SPANXN4: variants seen among roughly 807,000 people sequenced by gnomAD.
SPANXN4 encodes the protein sperm protein associated with the nucleus on the X chromosome N4.
In SPANXN4, 5 loss-of-function variants were observed where a neutral mutation model predicts 6.0. The ratio of observed to expected loss-of-function variants is 0.83; its 90% CI spans 0.44 to 1.75. The LOEUF (loss-of-function observed/expected upper bound fraction) is 1.75, where lower values mean the gene tolerates loss of function less well. SPANXN4 is among the 40% of genes most tolerant of loss of function. The pLI, the probability that SPANXN4 is intolerant of heterozygous loss-of-function variation, is 0.02. For missense variants in SPANXN4, 157 were observed against 108.6 expected (o/e 1.45, Z -1.98); for synonymous variants, 45 against 38.0 (o/e 1.19, Z -0.68).
At chrX:143,034,542 C>A (rs1463796074) in exon 3 of SPANXN4, 1 of 1,155,427 alleles carries the variant, frequency 8.7e-7, no homozygotes, top group African/African-American at 1.8e-5. Flanking sequence ...TTCCTTGGAG[C>A]ACGTGCATGT....
chrX:143,031,942 C>T (rs771075015), intron 1 of SPANXN4, among the ~76,000 whole-genome samples: 2 of 111,582 alleles, frequency 1.8e-5, no homozygotes, highest in Non-Finnish European at 3.8e-5. Flanking sequence ...GGCATGATAT[C>T]GTATGGCCTT....
At chrX:143,028,392 G>A (rs973721503) in intron 1 of SPANXN4, among the ~76,000 whole-genome samples, 5 of 111,114 alleles carry the variant, frequency 4.5e-5, no homozygotes, top group African/African-American at 6.6e-5. Flanking sequence ...AATGCATGAG[G>A]ACCAGTAAGA....
At chrX:143,029,920 G>A (rs1411943253) in intron 1 of SPANXN4, among the ~76,000 whole-genome samples, 2 of 111,711 alleles carry the variant, frequency 1.8e-5, no homozygotes, top group African/African-American at 3.3e-5. Context: ...GGTATGCAAC[G>A]GCTTCTGGGG....
downstream of SPANXN4, chrX:143,034,796 G>A (rs2124371653): frequency 4.0e-6 from 4 of 1,003,739 alleles, no homozygotes; most frequent in South Asian, 3.9e-5. Context: ...TCCAATACTA[G>A]GGCGCTTGTT....
At chrX:143,026,335 G>A (rs185471310) in intron 1 of SPANXN4, among the ~76,000 whole-genome samples, 1 of 111,419 alleles carries the variant, frequency 9.0e-6, no homozygotes, top group Non-Finnish European at 1.9e-5. Flanking sequence ...AGGCAGTTTG[G>A]CCCTTTTTCT....
intron 1 of SPANXN4, among the ~76,000 whole-genome samples, chrX:143,028,233 T>G (rs138046508): frequency 0.03 from 3,329 of 110,446 alleles, 114 homozygotes; most frequent in Admixed American, 0.14. Context: ...TGAGGACCCG[T>G]CCACTTAGGT....
At chrX:143,033,986 A>G (rs1333755788) in intron 1 of SPANXN4, 39 bp from the exon 2 acceptor site, 1 of 1,119,080 alleles carries the variant, frequency 8.9e-7, no homozygotes, top group African/African-American at 1.9e-5. Flanking sequence ...TCTTCATCCA[A>G]AATAACACCA....
intron 1 of SPANXN4, among the ~76,000 whole-genome samples, chrX:143,032,320 A>G (rs1426555305): frequency 9.0e-6 from 1 of 111,085 alleles, no homozygotes; most frequent in African/African-American, 3.3e-5. Flanking sequence ...GGGCTTTGGA[A>G]GGCCTTTGGG....
Position 143,026,021 on chromosome X carries a change from G to A in SPANXN4, c.7G>A (p.Glu3Lys), listed in dbSNP as rs541424126. The A allele has an allele frequency of 6.6e-5, 80 of 1,206,549 alleles. 1 individual carries two copies. The South Asian group carries it at 1.3e-3, about 20-fold the overall frequency. Residue 3 changes from glutamate to lysine, a missense_variant, in exon 1 of 3, where the codon GAG (glutamate) becomes AAG (lysine). By Grantham distance (56) the Glu-to-Lys change is moderately conservative. Transcript: ENST00000370504. ...TCTACAACCAACCATAATCATGGAA[G>A]AGCCAACTTCCAGCACCAACGAGAA...
intron 1 of SPANXN4, among the ~76,000 whole-genome samples, chrX:143,033,017 G>C (rs764231336): frequency 8.9e-6 from 1 of 111,825 alleles, no homozygotes; most frequent in African/African-American, 3.2e-5. Flanking sequence ...CTGGTGACCA[G>C]GGAGACCTCC....
At chrX:143,026,645 G>A (rs771391215) in intron 1 of SPANXN4, among the ~76,000 whole-genome samples, 2 of 111,515 alleles carry the variant, frequency 1.8e-5, no homozygotes, top group Non-Finnish European at 3.8e-5. Flanking sequence ...CAGGGTTTGG[G>A]TTTTGAAGCA....
chrX:143,035,075 CA>C (rs780134042), downstream of SPANXN4, among the ~76,000 whole-genome samples: 2,526 of 39,011 alleles, frequency 0.065, 40 homozygotes, highest in African/African-American at 0.17. Flanking sequence ...GACTCTGTCT[CA>C]AAAAAAAAAA....
Position 143,034,002 on chromosome X carries a change from G to A in SPANXN4, c.79-26G>A, listed in dbSNP as rs772346487. 3.5e-6 allele frequency: 4 copies of A among 1,145,510 alleles called. No individual in the cohort carries two copies. The East Asian group carries it at 1.3e-4, about 37-fold the overall frequency. The allele number at this position is 1,145,510 out of a possible 1,213,427, so 94.4% of individuals were successfully genotyped here. A position where few individuals can be genotyped will look rare whatever the true frequency, so the allele number is the denominator to read the frequency against. ...CTTCATCCAAAATAACACCATTCTG[G>A]CCTCTCCCTGTTTTTTTACCAGAAG... On this transcript the variant is annotated intron_variant, in intron 1 of 2. Transcript: ENST00000370504.
At chrX:143,036,083 C>T (rs1279589681), downstream of SPANXN4, among the ~76,000 whole-genome samples, 1 of 106,755 alleles carries the variant, frequency 9.4e-6, no homozygotes, top group African/African-American at 3.4e-5. Flanking sequence ...TGGAAAATGC[C>T]AAGATCTTTT....
At chrX:143,037,580 C>G (rs1232891758), downstream of SPANXN4, among the ~76,000 whole-genome samples, 1 of 111,418 alleles carries the variant, frequency 9.0e-6, no homozygotes, top group Non-Finnish European at 1.9e-5. Flanking sequence ...TGCTGTTTAT[C>G]AATTCCTAAC....
chrX:143,033,633 C>T (rs1932824446), intron 1 of SPANXN4, among the ~76,000 whole-genome samples: 1 of 111,272 alleles, frequency 9.0e-6, no homozygotes, highest in Non-Finnish European at 1.9e-5. Context: ...GACCCTTTTT[C>T]CTGTGGGATG....
intron 1 of SPANXN4, among the ~76,000 whole-genome samples, chrX:143,027,420 G>A (rs1932784856): frequency 1.8e-5 from 2 of 111,346 alleles, no homozygotes; most frequent in African/African-American, 6.5e-5. Context: ...GATACATGAA[G>A]AGCGGCTCTG....
chrX:143,028,360 G>A (rs1300765190), intron 1 of SPANXN4, among the ~76,000 whole-genome samples: 1 of 110,944 alleles, frequency 9.0e-6, no homozygotes, highest in African/African-American at 3.3e-5. Context: ...TAGGCTGAGG[G>A]GATTTGAGGA....
chrX:143,029,773 T>C (rs1410243235), intron 1 of SPANXN4, among the ~76,000 whole-genome samples: 4 of 111,061 alleles, frequency 3.6e-5, no homozygotes, highest in African/African-American at 1.3e-4. Flanking sequence ...TGAGGTCCTG[T>C]AGGTAATGGG....
Sources: gnomAD v4.1 joint callset for allele counts (sites outside exome capture counted in the v4.1 genomes callset) on GRCh38, gnomAD v4.1.1 for gene constraint, MANE v1.5 for transcripts, NCBI Gene and HGNC (gene_info 2026-07-23, HGNC 2026-07-21) for gene names.